The following CLPX variants were observed in gnomAD, a reference collection of about 807,000 sequenced individuals.
CLPX encodes the protein ATP-dependent clpX-like chaperone, mitochondrial.
Under a neutral mutation model 76.4 loss-of-function variants are expected in CLPX, and 34 were observed. The ratio of observed to expected loss-of-function variants is 0.45; its 90% CI spans 0.34 to 0.59. The LOEUF is 0.59. Ranked by LOEUF, CLPX falls within the 20% of genes least tolerant of loss-of-function variation. The pLI is 0.01. For synonymous variants in CLPX, 248 were observed against 270.9 expected (o/e 0.92, Z 0.83); for missense variants, 613 against 757.0 (o/e 0.81, Z 2.23).
intron 2 of CLPX, 80 bp downstream of exon 2, chr15:65,179,964 A>G: frequency 2.2e-6 from 2 of 925,724 alleles, no homozygotes; most frequent in Non-Finnish European, 3.1e-6. Context: ...CATATAAGCC[A>G]GTAAGAGACA....
chr15:65,152,489 G>A lies in CLPX; in HGVS notation c.1752C>T (p.Ile584=), dbSNP rs376205343. 75 of 1,558,368 alleles carry A rather than the reference G, an allele frequency of 4.8e-5. No individual in the cohort carries two copies. In the East Asian group the frequency reaches 1.0e-3, roughly 21 times the overall value. Residue 584 remains isoleucine, a synonymous_variant, in exon 13 of 14, where the codon ATC becomes ATT. Transcript: ENST00000300107. ...EPMFEVPNSD[I]VCVEVDKEVV... Reference sequence around the variant, plus strand: ...CTTCTTTGTCAACCTCCACACATACGATATCAGAATTAGGGACTTCAAACA... The same window carrying A: ...CTTCTTTGTCAACCTCCACACATACAATATCAGAATTAGGGACTTCAAACA...
intron 1 of CLPX, among the ~76,000 whole-genome samples, chr15:65,183,477 A>G (rs1480153317): frequency 8.0e-5 from 12 of 150,836 alleles, no homozygotes; most frequent in Non-Finnish European, 1.2e-4. Flanking sequence ...AAAAAAAAAA[A>G]AAAAAGAAAG....
chr15:65,175,940 C>T (rs1020294003), intron 3 of CLPX, among the ~76,000 whole-genome samples: 4 of 152,198 alleles, frequency 2.6e-5, no homozygotes, highest in African/African-American at 9.7e-5. Context: ...AGGACAGGGA[C>T]AGTGTCATGA....
Position 65,155,019 on chromosome 15 carries a change from G to T in CLPX, c.1374C>A (p.Asp458Glu), listed in dbSNP as rs1459129193. 5.0e-6 allele frequency: 8 copies of T among 1,613,940 alleles called. No individual in the cohort carries two copies. The highest frequency in any genetic ancestry group is 6.8e-6 in the Non-Finnish European group (8 of 1,180,016). Residue 458 changes from aspartate (D) to glutamate (E), a missense_variant, in exon 11 of 14, where the codon GAC becomes GAA. By Grantham distance (45) the Asp-to-Glu change is conservative (BLOSUM62 2). Transcript: ENST00000300107. ...TCGATTCCCCACTTCGATTAGCAAG[G>T]TCTGCAGCAGCTGCAGCCCTTCTGC... Reference protein sequence around the residue: ...GKGRRAAAAADLANRSGESNT... With the variant: ...GKGRRAAAAAELANRSGESNT...
intron 1 of CLPX, among the ~76,000 whole-genome samples, chr15:65,180,673 G>A (rs1355495023): frequency 6.6e-6 from 1 of 152,042 alleles, no homozygotes; most frequent in South Asian, 2.1e-4. Flanking sequence ...AGGCCTAGGC[G>A]GGTGGATCAC....
intron 3 of CLPX, 82 bp downstream of exon 3, chr15:65,178,852 T>C (rs1342431907): frequency 5.2e-6 from 4 of 772,392 alleles, no homozygotes; most frequent in African/African-American, 3.5e-5. Flanking sequence ...TTATACATTT[T>C]ACATAATTTA....
rs767853852 is a variant in CLPX at position 65,155,058 on chromosome 15, A to G, written c.1335T>C (p.Ser445=). The G allele has an allele frequency of 2.4e-5, 39 of 1,613,356 alleles. No homozygotes were observed. In the South Asian group the frequency reaches 4.1e-4, roughly 17 times the overall value. ...NEKYLGFGTP[S]NLGKGRRAAA... ...CAGCCCTTCTGCCTTTTCCCAGATT[A>G]GATGGTGTTCCAAATCCAAGATACT... Residue 445 remains serine, a synonymous_variant, in exon 11 of 14, where the codon TCT becomes TCC. Transcript: ENST00000300107.
At chr15:65,158,358 A>G in intron 7 of CLPX, 1 of 451,518 alleles carries the variant, frequency 2.2e-6, no homozygotes. Context: ...TTATTTTATT[A>G]TTCCTGTGAA....
chr15:65,162,619 C>T lies in CLPX; in HGVS notation c.700G>A (p.Glu234Lys). 6.3e-7 allele frequency: 1 copy of T among 1,587,610 alleles called. No individual in the cohort carries two copies. The highest frequency in any genetic ancestry group is 8.6e-7 in the Non-Finnish European group (1 of 1,159,330). ...RELEIRRRED[E>K]YRFTKLLQIA... is the part of the protein sequence containing the mutation. Reference sequence around the variant, plus strand: ...AGTCACTTACTTGTAAATCTGTACTCATCCTCCCGTCTTCTTATTTCTAAC... The same window carrying T: ...AGTCACTTACTTGTAAATCTGTACTTATCCTCCCGTCTTCTTATTTCTAAC... The change falls in exon 6 of 14, where the codon GAG (glutamate) becomes AAG (lysine). Residue 234 changes from glutamate to lysine, a missense_variant. Glu to Lys is a moderately conservative substitution (Grantham distance 56, BLOSUM62 1). This residue lies in a region of CLPX where 450 missense variants were observed against 638.6 expected (regional missense o/e 0.70). Transcript: ENST00000300107.
At chr15:65,156,178 G>A (rs145723489) in intron 9 of CLPX, among the ~76,000 whole-genome samples, 12 of 152,210 alleles carry the variant, frequency 7.9e-5, no homozygotes, top group African/African-American at 2.2e-4. Context: ...GTTCAAGCAC[G>A]GTGGGAACAT....
intron 3 of CLPX, among the ~76,000 whole-genome samples, chr15:65,172,961 G>A (rs1287198242): frequency 2.0e-5 from 3 of 152,188 alleles, no homozygotes; most frequent in African/African-American, 7.2e-5. Flanking sequence ...GCTACTGTCA[G>A]CTATGATTGC....
chr15:65,178,404 G>A (rs2088117274), intron 3 of CLPX, among the ~76,000 whole-genome samples: 1 of 152,066 alleles, frequency 6.6e-6, no homozygotes, highest in Non-Finnish European at 1.5e-5. Flanking sequence ...ACACAACAGT[G>A]CAAAGTATTA....
At chr15:65,176,261 C>G (rs780448976) in intron 3 of CLPX, among the ~76,000 whole-genome samples, 8 of 152,182 alleles carry the variant, frequency 5.3e-5, no homozygotes, top group Non-Finnish European at 8.8e-5. Flanking sequence ...GTTTAACAGT[C>G]ACCTTCAGTG....
At chr15:65,184,963 TCA>T (rs1458382008) in intron 1 of CLPX, 110 bp downstream of exon 1, 1 of 899,272 alleles carries the variant, frequency 1.1e-6, no homozygotes, top group Non-Finnish European at 1.8e-6. Flanking sequence ...GCGCATTCCC[TCA>T]CACTCCCCGG....
chr15:65,160,240 T>A (rs2087836549), intron 6 of CLPX, among the ~76,000 whole-genome samples: 1 of 152,364 alleles, frequency 6.6e-6, no homozygotes, highest in Admixed American at 6.5e-5. Flanking sequence ...TGGCTGTCAC[T>A]TTCAAACTAT....
chr15:65,179,705 G>A (rs1413530950), intron 2 of CLPX, among the ~76,000 whole-genome samples: 1 of 152,126 alleles, frequency 6.6e-6, no homozygotes, highest in Non-Finnish European at 1.5e-5. Flanking sequence ...TTTAGGTAGA[G>A]GATAAAGTGA....
At chr15:65,166,510 AT>A in intron 4 of CLPX, 120 bp downstream of exon 4, 1 of 1,064,338 alleles carries the variant, frequency 9.4e-7, no homozygotes, top group Non-Finnish European at 1.4e-6. Context: ...TATGGTCCAT[AT>A]TATGAACCTA....
At chr15:65,153,121 A>G (rs2087744835) in intron 12 of CLPX, among the ~76,000 whole-genome samples, 1 of 151,784 alleles carries the variant, frequency 6.6e-6, no homozygotes, top group African/African-American at 2.4e-5. Flanking sequence ...CCTTTTTGAG[A>G]AAAAGCAAAA....
At chr15:65,165,375 ATTTTTTTTTT>A (rs34678725) in intron 4 of CLPX, among the ~76,000 whole-genome samples, 2 of 69,160 alleles carry the variant, frequency 2.9e-5, no homozygotes, top group South Asian at 8.1e-4. Flanking sequence ...AACTGCCTGG[ATTTTTTTTTT>A]TTTTTTTTTT....
Sources: allele counts gnomAD v4.1 joint callset (sites outside exome capture counted in the v4.1 genomes callset), GRCh38; gene constraint gnomAD v4.1.1; regional missense constraint gnomAD v4.1.1; transcripts MANE v1.5; gene names NCBI Gene and HGNC (gene_info 2026-07-23, HGNC 2026-07-21).